DNAJC6: variants seen among roughly 807,000 people sequenced by gnomAD.
The protein encoded by DNAJC6 is DnaJ heat shock protein family (Hsp40) member C6.
A neutral mutation model predicts 110.0 loss-of-function variants in DNAJC6; 34 were observed. The ratio of observed to expected loss-of-function variants is 0.31; its 90% CI spans 0.24 to 0.41. The LOEUF is 0.41. DNAJC6 is among the 10% of genes least tolerant of loss of function. The pLI, the probability that DNAJC6 is intolerant of heterozygous loss-of-function variation, is 1.00. For missense variants in DNAJC6, 1,031 were observed against 1,207.8 expected (o/e 0.85, Z 2.17); for synonymous variants, 406 against 437.2 (o/e 0.93, Z 0.89).
chr1:65,369,958 G>A (rs1346431465), intron 4 of DNAJC6, among the ~76,000 whole-genome samples: 1 of 152,160 alleles, frequency 6.6e-6, no homozygotes, highest in Non-Finnish European at 1.5e-5. Flanking sequence ...TCAAAACAAT[G>A]CATAGCACAT....
intron 1 of DNAJC6, chr1:65,298,754 CT>C (rs1490958334): frequency 6.6e-6 from 1 of 152,232 alleles, no homozygotes; most frequent in African/African-American, 2.4e-5. Flanking sequence ...TCCAAAATCA[CT>C]TTGTACTCTG....
chr1:65,282,582 C>T (rs894264030), intron 1 of DNAJC6, among the ~76,000 whole-genome samples: 6 of 152,198 alleles, frequency 3.9e-5, no homozygotes, highest in Admixed American at 6.5e-5. Flanking sequence ...TAACCTGTCA[C>T]CAGAAGGAGG....
intron 11 of DNAJC6, among the ~76,000 whole-genome samples, 194 bp downstream of exon 11, chr1:65,389,821 G>A (rs1645908611): frequency 6.6e-6 from 1 of 152,144 alleles, no homozygotes; most frequent in Admixed American, 6.5e-5. Context: ...GACCAGCTCA[G>A]GCAATATAGT....
chr1:65,295,043 C>A (rs1270058705), intron 1 of DNAJC6, among the ~76,000 whole-genome samples: 2 of 152,044 alleles, frequency 1.3e-5, no homozygotes, highest in African/African-American at 4.8e-5. Context: ...AGTGCTAATC[C>A]AATTATGTGA....
chr1:65,283,282 C>T (rs1653910576), intron 1 of DNAJC6, among the ~76,000 whole-genome samples: 1 of 152,178 alleles, frequency 6.6e-6, no homozygotes, highest in African/African-American at 2.4e-5. Context: ...CACTCTCTTG[C>T]ATTACCCCTT....
chr1:65,343,307 C>G (rs1212219685), intron 1 of DNAJC6, among the ~76,000 whole-genome samples: 3 of 152,194 alleles, frequency 2.0e-5, no homozygotes, highest in Admixed American at 2.0e-4. Flanking sequence ...TGGAACCACA[C>G]AGACCAGACT....
At chr1:65,355,127 T>G (rs1369042208) in intron 1 of DNAJC6, among the ~76,000 whole-genome samples, 1 of 151,878 alleles carries the variant, frequency 6.6e-6, no homozygotes, top group Non-Finnish European at 1.5e-5. Context: ...TAGCCAGGCA[T>G]GGGTGCAACC....
Position 65,264,852 on chromosome 1 carries a change from A to C in DNAJC6, c.-211A>C, listed in dbSNP as rs1345983307. The stretch of plus-strand genomic sequence containing the variant: ...GACTGTGAATGACAAATCAAAAGTC[A>C]GGGTTGCAGAATCAGCCGGACTTTC... On this transcript the variant is annotated 5_prime_UTR_variant, in exon 1 of 20. Coordinates refer to the DNAJC6 transcript ENST00000263441. 4.4e-6 allele frequency: 7 copies of C among 1,608,660 alleles called. No homozygotes were observed. The Middle Eastern group carries it at 5.0e-4, about 114-fold the overall frequency.
chr1:65,394,809 A>G, intron 12 of DNAJC6, 89 bp from the exon 13 acceptor site: 3 of 1,431,812 alleles, frequency 2.1e-6, no homozygotes, highest in Non-Finnish European at 2.8e-6. Flanking sequence ...CTTGGAGTCC[A>G]CTGTTAGCCC....
chr1:65,359,283 A>T (rs1391762846), intron 1 of DNAJC6, among the ~76,000 whole-genome samples: 1 of 152,218 alleles, frequency 6.6e-6, no homozygotes, highest in Non-Finnish European at 1.5e-5. Context: ...GTCACTCTTG[A>T]CAGCAAGGAC....
intron 15 of DNAJC6, among the ~76,000 whole-genome samples, chr1:65,404,369 A>T (rs1313382330): frequency 6.6e-6 from 1 of 152,206 alleles, no homozygotes; most frequent in East Asian, 1.9e-4. Flanking sequence ...TATACCTGTG[A>T]TATAGACATA....
chr1:65,399,619 G>T (rs531872101), intron 14 of DNAJC6, among the ~76,000 whole-genome samples: 1 of 151,978 alleles, frequency 6.6e-6, no homozygotes, highest in Non-Finnish European at 1.5e-5. Flanking sequence ...GCACTTTGTT[G>T]TGCAACAGAT....
intron 1 of DNAJC6, among the ~76,000 whole-genome samples, chr1:65,316,500 A>T (rs952479246): frequency 1.3e-5 from 2 of 152,182 alleles, no homozygotes; most frequent in African/African-American, 4.8e-5. Context: ...CTAGTCTGTA[A>T]GTAAAGTTCA....
intron 1 of DNAJC6, among the ~76,000 whole-genome samples, chr1:65,265,418 G>A (rs530444433): frequency 9.5e-4 from 144 of 152,268 alleles, no homozygotes; most frequent in Admixed American, 2.4e-3. Context: ...GCGCTCCATG[G>A]GGAGCCGTCG....
chr1:65,288,953 A>G (rs540622668), intron 1 of DNAJC6, among the ~76,000 whole-genome samples: 1 of 152,316 alleles, frequency 6.6e-6, no homozygotes, highest in East Asian at 1.9e-4. Context: ...AAGTACTACT[A>G]TGAATATTCC....
intron 15 of DNAJC6, 74 bp from the exon 16 acceptor site, chr1:65,405,796 A>G: frequency 1.3e-6 from 2 of 1,496,654 alleles, no homozygotes; most frequent in East Asian, 2.3e-5. Context: ...AGCCACTGCA[A>G]ACAGTGTCTT....
intron 12 of DNAJC6, among the ~76,000 whole-genome samples, chr1:65,394,369 CTA>C (rs372590647): frequency 3.0e-4 from 46 of 152,282 alleles, no homozygotes; most frequent in African/African-American, 9.4e-4. Context: ...AACACCAAGT[CTA>C]GAGTTAAAGA....
chr1:65,304,743 C>A (rs1418429644), upstream of DNAJC6, among the ~76,000 whole-genome samples: 2 of 152,138 alleles, frequency 1.3e-5, no homozygotes, highest in African/African-American at 4.8e-5. Context: ...AAGGTTTTGC[C>A]ACTACACTGC....
intron 7 of DNAJC6, 113 bp from the exon 8 acceptor site, chr1:65,386,699 C>T (rs553800481): frequency 5.2e-5 from 46 of 882,382 alleles, no homozygotes; most frequent in South Asian, 9.6e-5. Context: ...TTTCTGGGTC[C>T]GGGCCTGGGC....
Sources: gnomAD v4.1 joint callset for allele counts (sites outside exome capture counted in the v4.1 genomes callset) on GRCh38, gnomAD v4.1.1 for gene constraint, MANE v1.5 for transcripts, NCBI Gene and HGNC (gene_info 2026-07-23, HGNC 2026-07-21) for gene names.